AKT2: variants seen among roughly 807,000 people sequenced by gnomAD.
AKT2 encodes RAC-beta serine/threonine-protein kinase.
AKT2 carries 16 observed loss-of-function variants against 58.6 expected under a neutral mutation model. The observed-to-expected ratio is 0.27, with a 90% CI of 0.18 to 0.41. AKT2 has a LOEUF of 0.41. Ranked by LOEUF, AKT2 falls within the 10% of genes least tolerant of loss-of-function variation. The pLI is 1.00. For missense variants in AKT2, 438 were observed against 661.0 expected, an observed-to-expected ratio of 0.66 and a Z score of 3.70; for synonymous variants, 253 against 254.0, an observed-to-expected ratio of 1.00 and a Z score of 0.04.
At chr19:40,269,379 A>C (rs990079162) in intron 1 of AKT2, 1 of 152,234 alleles carries the variant, frequency 6.6e-6, no homozygotes, top group Non-Finnish European at 1.5e-5. Context: ...AGAAACATAC[A>C]TAATCTCATT....
In AKT2 at chr19:40,254,419, T is replaced by C. The variant is rs559711815; in HGVS notation, c.287+739A>G. ...GGCACGTGCCTGTAATCCCAGCTAC[T>C]TGGGAGGCTGAGGCAGGAGAATCAC... On this transcript the variant is annotated intron_variant, in intron 4 of 13. Coordinates refer to ENST00000392038, the MANE Select transcript of AKT2 (RefSeq NM_001626.6). Among the ~76,000 whole-genome samples, 111 of 152,036 alleles carry C rather than the reference T, an allele frequency of 7.3e-4. 1 individual carries two copies. The highest frequency in any genetic ancestry group is 1.8e-3 in the African/African-American group (73 of 41,460).
Position 40,232,356 on chromosome 19 carries a change from C to T in AKT2, c.*1516G>A, listed in dbSNP as rs946604261. 3.9e-5 allele frequency: 9 copies of T among 233,598 alleles called. No individual in the cohort carries two copies. Among genetic ancestry groups the T allele is most frequent in the Non-Finnish European group, 6.8e-5 (8 of 118,140 alleles). The allele number at this position is 233,598 out of a possible 1,614,324, so 14.5% of individuals were successfully genotyped here. A position where few individuals can be genotyped will look rare whatever the true frequency, so the allele number is the denominator to read the frequency against. ...TGGTCTGAAATGAGTGTCTTTATTG[C>T]TTGTACCGTACAAATATGAAGACGA... On this transcript the variant is annotated 3_prime_UTR_variant, in exon 14 of 14. Coordinates refer to ENST00000392038, the MANE Select transcript of AKT2 (RefSeq NM_001626.6).
chr19:40,266,132 G>A (rs370974201), intron 1 of AKT2: 5 of 152,390 alleles, frequency 3.3e-5, no homozygotes, highest in East Asian at 3.8e-4. Context: ...GAGGGACGCC[G>A]AGGCCACTGC....
intron 1 of AKT2, among the ~76,000 whole-genome samples, chr19:40,284,579 C>G (rs1200315755): frequency 1.3e-5 from 2 of 152,278 alleles, no homozygotes; most frequent in East Asian, 3.9e-4. Flanking sequence ...ATCGGCATCA[C>G]AGTCCTCCCA....
chr19:40,261,713 A>G (rs1975971112), intron 2 of AKT2, among the ~76,000 whole-genome samples: 2 of 152,304 alleles, frequency 1.3e-5, no homozygotes, highest in South Asian at 4.2e-4. Flanking sequence ...AATATGTTAT[A>G]GCAGCACAGA....
intron 4 of AKT2, among the ~76,000 whole-genome samples, chr19:40,249,593 G>A (rs1261074716): frequency 6.6e-6 from 1 of 152,182 alleles, no homozygotes; most frequent in Non-Finnish European, 1.5e-5. Context: ...CTGACTGTGG[G>A]GACTCTCCCC....
chr19:40,253,259 C>T (rs550690487), intron 4 of AKT2, among the ~76,000 whole-genome samples: 27 of 152,226 alleles, frequency 1.8e-4, no homozygotes, highest in Admixed American at 1.3e-3. Context: ...TTTTCTTGGA[C>T]GGCATGATTT....
intron 1 of AKT2, among the ~76,000 whole-genome samples, chr19:40,278,843 A>C (rs2145428784): frequency 6.6e-6 from 1 of 151,776 alleles, no homozygotes; most frequent in East Asian, 1.9e-4. Context: ...AGCAAAATGC[A>C]CCTTAGGGAG....
rs1019780531 is a variant in AKT2 at position 40,235,815 on chromosome 19, C to T, written c.1175+75G>A. 13 of 1,450,898 alleles carry T rather than the reference C, an allele frequency of 9.0e-6. No homozygotes were observed. Among genetic ancestry groups the T allele is most frequent in the African/African-American group, 8.4e-5 (6 of 71,566 alleles). The allele number at this position is 1,450,898 out of a possible 1,614,324, so 89.9% of individuals were successfully genotyped here. A position where few individuals can be genotyped will look rare whatever the true frequency, so the allele number is the denominator to read the frequency against. On this transcript the variant is annotated intron_variant, in intron 11 of 13. Coordinates refer to ENST00000392038, the MANE Select transcript of AKT2 (RefSeq NM_001626.6). The surrounding 1 kb of genome is among the most constrained non-coding windows in gnomAD (Gnocchi z 6.3). Reference sequence around the variant, plus strand: ...CCCTACAAGCGAGCACCCTTGTGGACGCTGCCCCCTCCAGGCCGCAGGGAC... The same window carrying T: ...CCCTACAAGCGAGCACCCTTGTGGATGCTGCCCCCTCCAGGCCGCAGGGAC...
At chr19:40,241,912 G>A (rs756191285) in intron 6 of AKT2, 26 bp downstream of exon 6, 122 of 1,611,286 alleles carry the variant, frequency 7.6e-5, no homozygotes, top group Admixed American at 6.8e-4. Context: ...ACAGAGGCTC[G>A]CGAGCGCAAT....
At chr19:40,280,958 G>T (rs984233354) in intron 1 of AKT2, 3 of 152,306 alleles carry the variant, frequency 2.0e-5, no homozygotes, top group African/African-American at 7.2e-5. Context: ...AGGGACTTTG[G>T]CAAGTACACT....
At chr19:40,277,810 C>T (rs941698770) in intron 1 of AKT2, among the ~76,000 whole-genome samples, 2 of 152,190 alleles carry the variant, frequency 1.3e-5, no homozygotes, top group African/African-American at 4.8e-5. Context: ...AACCTCTCTG[C>T]CACCTCCGAT....
At chr19:40,280,164 G>A (rs945870749) in intron 1 of AKT2, among the ~76,000 whole-genome samples, 1 of 152,244 alleles carries the variant, frequency 6.6e-6, no homozygotes, top group African/African-American at 2.4e-5. Flanking sequence ...AGGCCTACAG[G>A]CCCACGGCAG....
chr19:40,281,049 C>T (rs1369574987), intron 1 of AKT2, among the ~76,000 whole-genome samples: 1 of 152,178 alleles, frequency 6.6e-6, no homozygotes, highest in Non-Finnish European at 1.5e-5. Context: ...ACCTTTTCCT[C>T]GGCTCCACAA....
At chr19:40,247,340 C>T (rs1371738453) in intron 4 of AKT2, among the ~76,000 whole-genome samples, 3 of 152,194 alleles carry the variant, frequency 2.0e-5, no homozygotes, top group Non-Finnish European at 1.5e-5. Context: ...GCTTGATTCT[C>T]AAGAGCACTG....
chr19:40,273,173 C>T (rs563070148), intron 1 of AKT2, among the ~76,000 whole-genome samples: 1 of 152,168 alleles, frequency 6.6e-6, no homozygotes, highest in African/African-American at 2.4e-5. Context: ...GAAACTCTGT[C>T]TCTACTAAAA....
At chr19:40,265,076 G>C (rs977933912) in intron 2 of AKT2, 146 bp downstream of exon 2, 4 of 1,207,696 alleles carry the variant, frequency 3.3e-6, no homozygotes, top group Non-Finnish European at 4.7e-6. Flanking sequence ...TCCACGAAAT[G>C]GGGGCATAAG....
chr19:40,276,771 T>G (rs569137345), intron 1 of AKT2, among the ~76,000 whole-genome samples: 1 of 152,124 alleles, frequency 6.6e-6, no homozygotes, highest in Non-Finnish European at 1.5e-5. Flanking sequence ...ATCCCAGCAC[T>G]TTGGGAGGCT....
Position 40,231,677 on chromosome 19 carries a change from C to T in AKT2, c.*2195G>A, listed in dbSNP as rs759548358. On this transcript the variant is annotated 3_prime_UTR_variant, in exon 14 of 14. Transcript: ENST00000392038. ...CCCTTGCTGGGGGAGGTGTTCCATC[C>T]GGCCAGCGCCCGGCCATGCAGCCAC... 6 of 233,346 alleles carry T rather than the reference C, an allele frequency of 2.6e-5. No individual in the cohort carries two copies. Among genetic ancestry groups the T allele is most frequent in the African/African-American group, 6.6e-5 (3 of 45,344 alleles). The allele number at this position is 233,346 out of a possible 1,614,324, so 14.5% of individuals were successfully genotyped here.
Sources: allele counts gnomAD v4.1 joint callset (sites outside exome capture counted in the v4.1 genomes callset), GRCh38; gene constraint gnomAD v4.1.1; non-coding constraint Gnocchi (gnomAD v3.1); transcripts MANE v1.5; gene names NCBI Gene and HGNC (gene_info 2026-07-23, HGNC 2026-07-21).